TNFSF11: variants seen among roughly 807,000 people sequenced by gnomAD.
The protein encoded by TNFSF11 is TNF superfamily member 11.
In TNFSF11, 12 loss-of-function variants were observed where a neutral mutation model predicts 32.2. The observed-to-expected ratio is 0.37, with a 90% CI of 0.24 to 0.60. TNFSF11 has a LOEUF of 0.60. Among genes scored for constraint, TNFSF11 ranks in the 20% least tolerant of loss-of-function variants. The pLI is 0.66. For synonymous variants in TNFSF11, 172 were observed against 152.1 expected, an observed-to-expected ratio of 1.13 and a Z score of -0.96; for missense variants, 345 against 398.0, an observed-to-expected ratio of 0.87 and a Z score of 1.13.
At chr13:42,576,467 C>T (rs902919459) in intron 1 of TNFSF11, among the ~76,000 whole-genome samples, 3 of 152,006 alleles carry the variant, frequency 2.0e-5, no homozygotes, top group Admixed American at 6.6e-5. Flanking sequence ...TCAAAGTAAA[C>T]GTGTGAGTTA....
chr13:42,600,854 TATA>T (rs769916103), intron 3 of TNFSF11, 26 bp from the exon 4 acceptor site: 50 of 1,614,000 alleles, frequency 3.1e-5, no homozygotes, highest in Non-Finnish European at 2.5e-6. Context: ...CTATTTTGGC[TATA>T]ATAATATGGT....
chr13:42,584,071 T>C (rs1339254177), intron 2 of TNFSF11, among the ~76,000 whole-genome samples: 2 of 152,058 alleles, frequency 1.3e-5, no homozygotes, highest in African/African-American at 4.8e-5. Context: ...TAACAAGAAA[T>C]GTACAAGGCT....
chr13:42,606,912 A>G lies in TNFSF11; in HGVS notation c.948A>G (p.Ile316Met), dbSNP rs200689190. ...TTGGGGCTTTTAAAGTTCGAGATATAGATTGAGCCCCAGTTTTTGGAGTGT... is the reference window on the plus strand; with the variant it reads ...TTGGGGCTTTTAAAGTTCGAGATATGGATTGAGCCCCAGTTTTTGGAGTGT... ...TYFGAFKVRD[I>M]D The change falls in exon 5 of 5, where the codon ATA (isoleucine) becomes ATG (methionine). Residue 316 changes from isoleucine (I) to methionine (M), a missense_variant. Around this residue, in one of 2 missense-constraint regions of TNFSF11, gnomAD observed 148 missense variants for 216.0 expected, o/e 0.69. Transcript: ENST00000398795. The G allele has an allele frequency of 6.8e-5, 110 of 1,614,078 alleles. No homozygotes were observed. The highest frequency in any genetic ancestry group is 8.9e-5 in the Non-Finnish European group (105 of 1,180,034).
At chr13:42,592,441 GC>G (rs1312209974) in intron 2 of TNFSF11, among the ~76,000 whole-genome samples, 1 of 152,240 alleles carries the variant, frequency 6.6e-6, no homozygotes, top group Non-Finnish European at 1.5e-5. Flanking sequence ...TGGAAGAGAT[GC>G]TTAGGGCCAG....
chr13:42,574,932 A>C (rs1222706435), intron 1 of TNFSF11, among the ~76,000 whole-genome samples: 2 of 152,214 alleles, frequency 1.3e-5, no homozygotes, highest in Admixed American at 6.5e-5. Flanking sequence ...GAGCGCCTTC[A>C]CTTGGGCATC....
Position 42,607,071 on chromosome 13 carries a change from A to G in TNFSF11, c.*153A>G, listed in dbSNP as rs1869503502. The G allele has an allele frequency of 2.2e-6, 2 of 922,998 alleles. No homozygotes were observed. Among genetic ancestry groups the G allele is most frequent in the South Asian group, 3.2e-5 (2 of 61,752 alleles). The allele number at this position is 922,998 out of a possible 1,614,324, so 57.2% of individuals were successfully genotyped here. Reference sequence around the variant, plus strand: ...ATCCATGCTCTTGACCTTGTAGAGAACACGCGTATTTACAGCCAGTGGGAG... The same window carrying G: ...ATCCATGCTCTTGACCTTGTAGAGAGCACGCGTATTTACAGCCAGTGGGAG... On this transcript the variant is annotated 3_prime_UTR_variant, in exon 5 of 5. Coordinates refer to ENST00000398795, the MANE Select transcript of TNFSF11 (RefSeq NM_003701.4).
chr13:42,578,315 A>T (rs1873420517), intron 1 of TNFSF11, among the ~76,000 whole-genome samples: 1 of 152,196 alleles, frequency 6.6e-6, no homozygotes, highest in Admixed American at 6.5e-5. Context: ...GTCCAGCATC[A>T]GTCTGGCTCC....
chr13:42,579,112 T>C (rs1338778502), intron 1 of TNFSF11, among the ~76,000 whole-genome samples: 1 of 151,796 alleles, frequency 6.6e-6, no homozygotes, highest in African/African-American at 2.4e-5. Context: ...GAATATAGGG[T>C]TCGGGTGCAG....
intron 2 of TNFSF11, among the ~76,000 whole-genome samples, chr13:42,594,397 T>C (rs1872275200): frequency 1.3e-5 from 2 of 151,958 alleles, no homozygotes; most frequent in African/African-American, 4.8e-5. Context: ...TATATTACTT[T>C]GTAAGTTGAA....
chr13:42,581,230 T>G lies in TNFSF11; in HGVS notation c.324T>G (p.Asp108Glu). The part of the protein sequence containing the change: ...DFQDTTLESQ[D>E]TKLIPDSCRR... ...AAGACACAACTCTGGAGAGTCAAGA[T>G]ACAAAATTAATACCTGATTCATGTA... The change falls in exon 2 of 5, where the codon GAT (aspartate) becomes GAG (glutamate). Residue 108 changes from aspartate to glutamate, a missense_variant. Physicochemically the swap from Asp to Glu is conservative, Grantham distance 45. This residue lies in a region of TNFSF11 where 197 missense variants were observed against 182.0 expected (regional missense o/e 1.08). Transcript: ENST00000398795. The G allele has an allele frequency of 6.2e-7, 1 of 1,614,052 alleles. No homozygotes were observed. The highest frequency in any genetic ancestry group is 8.5e-7 in the Non-Finnish European group (1 of 1,179,948).
Position 42,574,414 on chromosome 13 carries a change from G to A in TNFSF11, c.111G>A (p.Ala37=). 1.3e-6 allele frequency: 2 copies of A among 1,576,590 alleles called. No individual in the cohort carries two copies. The highest frequency in any genetic ancestry group is 1.7e-6 in the Non-Finnish European group (2 of 1,163,814). Reference sequence around the variant, plus strand: ...CCCTGCACGCCCCGCCGCCGCCTGCGCCGCACCAGCCCCCTGCCGCCTCCC... The same window carrying A: ...CCCTGCACGCCCCGCCGCCGCCTGCACCGCACCAGCCCCCTGCCGCCTCCC... ...EGPLHAPPPP[A]PHQPPAASRS... is the part of the protein sequence containing the mutation. Residue 37 remains alanine, a synonymous_variant, in exon 1 of 5, where the codon GCG becomes GCA. Transcript: ENST00000398795.
chr13:42,586,440 G>A (rs907178828), intron 2 of TNFSF11, among the ~76,000 whole-genome samples: 2 of 152,174 alleles, frequency 1.3e-5, no homozygotes, highest in Non-Finnish European at 2.9e-5. Flanking sequence ...TGATAATTAG[G>A]AATATTATGG....
At chr13:42,580,767 C>T (rs1873562774) in intron 1 of TNFSF11, among the ~76,000 whole-genome samples, 1 of 152,146 alleles carries the variant, frequency 6.6e-6, no homozygotes, top group Non-Finnish European at 1.5e-5. Context: ...AAAAAGCTTC[C>T]TCTGCCTTCA....
chr13:42,569,892 TAA>T (rs944067182), upstream of TNFSF11, among the ~76,000 whole-genome samples: 1 of 152,164 alleles, frequency 6.6e-6, no homozygotes, highest in Non-Finnish European at 1.5e-5. Flanking sequence ...TGAAAAAATG[TAA>T]AACAGTGGCA....
At chr13:42,565,801 C>G (rs1433521335) in intron 1 of TNFSF11, among the ~76,000 whole-genome samples, 4 of 152,046 alleles carry the variant, frequency 2.6e-5, no homozygotes, top group Non-Finnish European at 5.9e-5. Flanking sequence ...ATGGATCAAT[C>G]TGGAAGATGG....
At chr13:42,584,599 T>A (rs976739018) in intron 2 of TNFSF11, among the ~76,000 whole-genome samples, 8 of 152,352 alleles carry the variant, frequency 5.3e-5, no homozygotes, top group African/African-American at 1.9e-4. Context: ...GAATTTTCAC[T>A]ATTTTAGGAT....
chr13:42,590,176 TA>T (rs1874098632), intron 2 of TNFSF11, among the ~76,000 whole-genome samples: 1 of 152,250 alleles, frequency 6.6e-6, no homozygotes, highest in African/African-American at 2.4e-5. Flanking sequence ...AGTGAAAGTT[TA>T]AAGAACAAGT....
intron 2 of TNFSF11, among the ~76,000 whole-genome samples, chr13:42,586,066 G>C (rs1053671645): frequency 6.6e-6 from 1 of 152,176 alleles, no homozygotes; most frequent in Non-Finnish European, 1.5e-5. Context: ...CTGTGCTTTA[G>C]TAAATATTTT....
intron 2 of TNFSF11, among the ~76,000 whole-genome samples, chr13:42,583,539 A>G (rs1486399267): frequency 6.6e-6 from 1 of 151,832 alleles, no homozygotes; most frequent in Non-Finnish European, 1.5e-5. Context: ...ATATATTATC[A>G]TCTTATAGAT....
Sources: gnomAD v4.1 joint callset for allele counts (sites outside exome capture counted in the v4.1 genomes callset) on GRCh38, gnomAD v4.1.1 for gene constraint, gnomAD v4.1.1 regional missense constraint, MANE v1.5 for transcripts, NCBI Gene and HGNC (gene_info 2026-07-23, HGNC 2026-07-21) for gene names.